The following SOBP variants were observed in gnomAD, a reference collection of about 807,000 sequenced individuals.
SOBP encodes sine oculis-binding protein homolog.
In SOBP, 4 loss-of-function variants were observed where a neutral mutation model predicts 53.6. The ratio of observed to expected loss-of-function variants is 0.07; its 90% confidence interval spans 0.04 to 0.17. The LOEUF (loss-of-function observed/expected upper bound fraction) is 0.17. Among genes scored for constraint, SOBP ranks in the 10% least tolerant of loss-of-function variants. SOBP has a pLI of 1.00. For synonymous variants in SOBP, 584 were observed against 522.6 expected, an observed-to-expected ratio of 1.12 and a Z score of -1.60; for missense variants, 1,088 against 1,204.7, an observed-to-expected ratio of 0.90 and a Z score of 1.43.
rs1365673362 is a variant in SOBP at position 107,634,416 on chromosome 6, C to T, written c.1572C>T (p.Leu524=). Residue 524 remains leucine (L), a synonymous_variant, in exon 6 of 7, where the codon CTC becomes CTT. Transcript: ENST00000317357. This position sits in a 1 kb window ranked among gnomAD's most constrained non-coding sequence, Gnocchi z 4.5. ...CGCTGGTGCCGCCCCCGACCCTGCTCGTGCCGTACCCCGTGATCGTGCCCC... is the reference window on the plus strand; with the variant it reads ...CGCTGGTGCCGCCCCCGACCCTGCTTGTGCCGTACCCCGTGATCGTGCCCC... ...LAPLVPPPTL[L]VPYPVIVPLP... is the part of the protein sequence containing the mutation. 8 of 1,605,202 alleles carry T rather than the reference C, an allele frequency of 5.0e-6. No individual in the cohort carries two copies. Among genetic ancestry groups the T allele is most frequent in the Non-Finnish European group, 6.8e-6 (8 of 1,179,758 alleles).
intron 6 of SOBP, among the ~76,000 whole-genome samples, chr6:107,643,116 C>G (rs2115166296): frequency 6.6e-6 from 1 of 152,300 alleles, no homozygotes; most frequent in African/African-American, 2.4e-5. Context: ...AGGGGAAACC[C>G]TATATTTCAT....
intron 5 of SOBP, among the ~76,000 whole-genome samples, chr6:107,627,084 G>C (rs1292864551): frequency 6.6e-6 from 1 of 152,122 alleles, no homozygotes; most frequent in Non-Finnish European, 1.5e-5. Context: ...GAATTTTTTA[G>C]TTTCCATCTG....
At chr6:107,545,806 A>T (rs746305235) in intron 4 of SOBP, among the ~76,000 whole-genome samples, 1 of 152,114 alleles carries the variant, frequency 6.6e-6, no homozygotes, top group Non-Finnish European at 1.5e-5. Context: ...ACACATAATG[A>T]CAGTCATTTC....
chr6:107,552,386 A>G (rs1049327427), intron 4 of SOBP, among the ~76,000 whole-genome samples: 6 of 152,234 alleles, frequency 3.9e-5, no homozygotes, highest in African/African-American at 1.2e-4. Context: ...AAGCTGTGCT[A>G]TATGAAGCTG....
chr6:107,605,886 G>A (rs868486121), intron 5 of SOBP, among the ~76,000 whole-genome samples: 2 of 152,084 alleles, frequency 1.3e-5, no homozygotes, highest in Non-Finnish European at 2.9e-5. Flanking sequence ...GATCGCTATA[G>A]CATTCTTGTG....
chr6:107,525,440 C>T (rs11153066), intron 3 of SOBP, among the ~76,000 whole-genome samples: 63,002 of 152,066 alleles, frequency 0.41, 16,434 homozygotes, highest in Middle Eastern at 0.66. Flanking sequence ...CTTTTGCTGT[C>T]CTTCTTCATT....
chr6:107,510,215 A>G (rs1268537849), intron 3 of SOBP, among the ~76,000 whole-genome samples: 3 of 152,216 alleles, frequency 2.0e-5, no homozygotes, highest in African/African-American at 4.8e-5. Context: ...CTGTGTTCCA[A>G]TAAAGTTTTA....
intron 5 of SOBP, among the ~76,000 whole-genome samples, chr6:107,595,392 T>C: frequency 6.7e-6 from 1 of 150,350 alleles, no homozygotes; most frequent in Non-Finnish European, 1.5e-5. Context: ...TAAGGCTATT[T>C]TAAAAAAGCT....
intron 4 of SOBP, among the ~76,000 whole-genome samples, chr6:107,541,819 T>C (rs1784154869): frequency 6.6e-6 from 1 of 152,206 alleles, no homozygotes; most frequent in Non-Finnish European, 1.5e-5. Context: ...TAGGATTGTA[T>C]GTTTCATAAG....
intron 4 of SOBP, among the ~76,000 whole-genome samples, chr6:107,543,637 A>G (rs1784214670): frequency 6.6e-6 from 1 of 152,184 alleles, no homozygotes; most frequent in African/African-American, 2.4e-5. Flanking sequence ...GGGAGATGCA[A>G]GCAAATGCCC....
intron 4 of SOBP, among the ~76,000 whole-genome samples, chr6:107,573,570 C>T (rs1785138996): frequency 6.6e-6 from 1 of 152,184 alleles, no homozygotes; most frequent in Non-Finnish European, 1.5e-5. Context: ...TCAGTGGTGG[C>T]ACCAGGAATC....
intron 5 of SOBP, among the ~76,000 whole-genome samples, chr6:107,593,131 G>A (rs1242904941): frequency 1.3e-5 from 2 of 152,148 alleles, no homozygotes; most frequent in African/African-American, 4.8e-5. Flanking sequence ...TGTAGTTCAG[G>A]TCCTTTCACT....
intron 3 of SOBP, among the ~76,000 whole-genome samples, chr6:107,525,407 T>A (rs766901361): frequency 4.8e-4 from 73 of 152,332 alleles, no homozygotes; most frequent in Non-Finnish European, 7.9e-4. Flanking sequence ...AGAATTACAA[T>A]TTTGTGACTT....
rs561123352 is a variant in SOBP at position 107,636,936 on chromosome 6, G to A, written c.*3+1467G>A. Reference sequence around the variant, plus strand: ...ACTTGCCCAAGATTTTACCAAATTAGCAGAGTTGAGATGCAAATCCAGGCT... The same window carrying A: ...ACTTGCCCAAGATTTTACCAAATTAACAGAGTTGAGATGCAAATCCAGGCT... On this transcript the variant is annotated intron_variant, in intron 6 of 6. Transcript: ENST00000317357. Among the ~76,000 whole-genome samples the A allele has an allele frequency of 2.6e-5, 4 of 152,278 alleles. No homozygotes were observed. The East Asian group carries it at 7.7e-4, about 29-fold the overall frequency.
At chr6:107,530,423 C>T (rs1483407438) in intron 3 of SOBP, among the ~76,000 whole-genome samples, 1 of 152,024 alleles carries the variant, frequency 6.6e-6, no homozygotes, top group Non-Finnish European at 1.5e-5. Context: ...TCTAGGGGTG[C>T]AGTCATAAGA....
At chr6:107,622,609 A>G (rs1285658023) in intron 5 of SOBP, among the ~76,000 whole-genome samples, 1 of 152,240 alleles carries the variant, frequency 6.6e-6, no homozygotes, top group African/African-American at 2.4e-5. Context: ...GATCCCACTG[A>G]GACTTGGCAG....
intron 6 of SOBP, among the ~76,000 whole-genome samples, chr6:107,651,173 G>A (rs1771787323): frequency 6.6e-6 from 1 of 152,156 alleles, no homozygotes; most frequent in African/African-American, 2.4e-5. Flanking sequence ...AGGCTGAGGT[G>A]GGAGGATCAC....
chr6:107,570,893 C>A (rs974936699), intron 4 of SOBP, among the ~76,000 whole-genome samples: 2 of 152,214 alleles, frequency 1.3e-5, no homozygotes, highest in Non-Finnish European at 2.9e-5. Context: ...TAACAAATAA[C>A]CTTTGGGCCA....
At chr6:107,641,628 C>T (rs1021385827) in intron 6 of SOBP, among the ~76,000 whole-genome samples, 7 of 152,136 alleles carry the variant, frequency 4.6e-5, no homozygotes, top group Non-Finnish European at 8.8e-5. Flanking sequence ...GAGACGCGTT[C>T]GGCCAGCTAT....
Sources: gnomAD v4.1 joint callset for allele counts (sites outside exome capture counted in the v4.1 genomes callset) on GRCh38, gnomAD v4.1.1 for gene constraint, Gnocchi (gnomAD v3.1) non-coding constraint, MANE v1.5 for transcripts, NCBI Gene and HGNC (gene_info 2026-07-23, HGNC 2026-07-21) for gene names.